The following DYNC2I1 variants were observed in gnomAD, a reference collection of about 807,000 sequenced individuals.
DYNC2I1 encodes dynein 2 intermediate chain 1.
DYNC2I1 carries 89 observed loss-of-function variants against 133.4 expected under a neutral mutation model. The observed-to-expected ratio is 0.67, with a 90% CI of 0.56 to 0.80. The LOEUF (loss-of-function observed/expected upper bound fraction) is 0.80, where lower values mean the gene tolerates loss of function less well. DYNC2I1 is among the 30% of genes least tolerant of loss of function. DYNC2I1 has a pLI of 0.00. For missense variants in DYNC2I1, 1,291 were observed against 1,314.5 expected (o/e 0.98, Z 0.28); for synonymous variants, 504 against 484.3 (o/e 1.04, Z -0.54).
chr7:158,952,635 C>T (rs1563221428), intron 4 of DYNC2I1, among the ~76,000 whole-genome samples: 1 of 151,636 alleles, frequency 6.6e-6, no homozygotes. Context: ...GGGTGAACCC[C>T]CAGCCGCATC....
the DYNC2I1 span, among the ~76,000 whole-genome samples, chr7:158,843,409 C>T: frequency 1.3e-5 from 2 of 152,120 alleles, no homozygotes; most frequent in South Asian, 4.1e-4. Flanking sequence ...TACAGACACC[C>T]ACCACAACGC....
Position 158,901,758 on chromosome 7 carries a change from C to G in DYNC2I1, c.1079C>G (p.Thr360Ser). ...EETVEIEKEE[T>S]DLENARADAY... ...CTCTAGGAAATTGAAAAGGAAGAAA[C>G]TGATTTAGAAAATGCTAGAGCTGAT... Residue 360 changes from threonine (T) to serine (S), a missense_variant, in exon 9 of 25, where the codon ACT becomes AGT. Physicochemically the swap from Thr to Ser is moderately conservative, Grantham distance 58. Coordinates refer to ENST00000407559, the MANE Select transcript of DYNC2I1 (RefSeq NM_018051.5). The G allele has an allele frequency of 2.5e-6, 4 of 1,579,080 alleles. No homozygotes were observed. The highest frequency in any genetic ancestry group is 2.6e-6 in the Non-Finnish European group (3 of 1,162,816).
chr7:158,957,935 C>G (rs1337301045), downstream of DYNC2I1, among the ~76,000 whole-genome samples: 1 of 152,198 alleles, frequency 6.6e-6, no homozygotes, highest in Non-Finnish European at 1.5e-5. Flanking sequence ...CACTGCCCCC[C>G]AGTGTCTGTG....
chr7:158,846,369 G>T, the DYNC2I1 span, among the ~76,000 whole-genome samples: 2 of 152,178 alleles, frequency 1.3e-5, no homozygotes, highest in African/African-American at 4.8e-5. Context: ...GAAGATAAAA[G>T]AAATTTTTTA....
At chr7:158,866,551 A>C (rs1327537679) in intron 1 of DYNC2I1, among the ~76,000 whole-genome samples, 1 of 151,770 alleles carries the variant, frequency 6.6e-6, no homozygotes, top group Non-Finnish European at 1.5e-5. Flanking sequence ...CTTTTTTTAT[A>C]GCAGGTCCTA....
chr7:158,920,466 C>T (rs181300805), intron 15 of DYNC2I1, among the ~76,000 whole-genome samples: 213 of 151,588 alleles, frequency 1.4e-3, no homozygotes, highest in African/African-American at 4.7e-3. Flanking sequence ...CATACTGCAG[C>T]GCCAGGCCTC....
the DYNC2I1 span, among the ~76,000 whole-genome samples, chr7:158,850,551 T>C: frequency 6.6e-6 from 1 of 152,214 alleles, no homozygotes; most frequent in Non-Finnish European, 1.5e-5. Flanking sequence ...CAATTGTAAA[T>C]GTTAAATGGG....
chr7:158,868,280 G>A (rs1241882873), intron 1 of DYNC2I1, among the ~76,000 whole-genome samples: 1 of 152,160 alleles, frequency 6.6e-6, no homozygotes, highest in African/African-American at 2.4e-5. Context: ...TGGCTGTCCG[G>A]ATGCCGCCTT....
rs1200188970 is a variant in DYNC2I1 at position 158,879,861 on chromosome 7, A to C, written c.751A>C (p.Lys251Gln). The part of the protein sequence containing the change: ...SKEKSNSFSD[K>Q]GEERHKEKRH... ...AGAGAAAAGTAATTCATTCTCTGAC[A>C]AAGGGGAAGAAAGACATAAAGAAAA... is the stretch of plus-strand genomic sequence containing the variant. The change falls in exon 5 of 25, where the codon AAA becomes CAA. Residue 251 changes from lysine (K) to glutamine (Q), a missense_variant. Physicochemically the swap from Lys to Gln is moderately conservative, Grantham distance 53. Coordinates refer to ENST00000407559, the MANE Select transcript of DYNC2I1 (RefSeq NM_018051.5). 32 of 1,613,730 alleles carry C rather than the reference A, an allele frequency of 2.0e-5. No homozygotes were observed. The highest frequency in any genetic ancestry group is 2.6e-5 in the Non-Finnish European group (31 of 1,179,840).
At chr7:158,902,669 A>T in intron 10 of DYNC2I1, 74 bp downstream of exon 10, 3 of 1,349,992 alleles carry the variant, frequency 2.2e-6, no homozygotes, top group Non-Finnish European at 3.1e-6. Flanking sequence ...AGATGCTGTC[A>T]CACACAGGCC....
At chr7:158,899,583 T>C (rs1394983875) in intron 8 of DYNC2I1, among the ~76,000 whole-genome samples, 1 of 152,220 alleles carries the variant, frequency 6.6e-6, no homozygotes, top group Non-Finnish European at 1.5e-5. Flanking sequence ...TGAGTTTATC[T>C]CCCAGAATTC....
chr7:158,898,962 G>A (rs1223857370), intron 8 of DYNC2I1, among the ~76,000 whole-genome samples: 4 of 150,772 alleles, frequency 2.7e-5, no homozygotes, highest in African/African-American at 9.8e-5. Flanking sequence ...CCCATTCCTT[G>A]TATCCTTGCT....
rs773515591 is a variant in DYNC2I1 at position 158,926,345 on chromosome 7, G to T, written c.2371+45G>T. On this transcript the variant is annotated intron_variant, in intron 18 of 24. Transcript: ENST00000407559. ...CTTAAAATCCTTCATCAATGGTTGT[G>T]AAATATGGTTTCCTTATTTAAAGCC... The T allele has an allele frequency of 1.9e-6, 3 of 1,601,204 alleles. No individual in the cohort carries two copies. In the East Asian group the frequency reaches 6.7e-5, roughly 36 times the overall value.
chr7:158,852,408 CCG>C (rs1227206029), upstream of DYNC2I1, among the ~76,000 whole-genome samples: 1 of 151,760 alleles, frequency 6.6e-6, no homozygotes, highest in Non-Finnish European at 1.5e-5. Flanking sequence ...GCATGAGCCA[CCG>C]CGCCCGGCCT....
chr7:158,853,523 A>G (rs1841099917), upstream of DYNC2I1, among the ~76,000 whole-genome samples: 1 of 152,136 alleles, frequency 6.6e-6, no homozygotes, highest in African/African-American at 2.4e-5. Flanking sequence ...CTTAGTTTTT[A>G]TGAGCTGGAC....
upstream of DYNC2I1, among the ~76,000 whole-genome samples, chr7:158,855,808 C>T (rs925601765): frequency 2.0e-5 from 3 of 152,182 alleles, no homozygotes; most frequent in Non-Finnish European, 4.4e-5. Flanking sequence ...TTGATTTTCC[C>T]TTACGTGTTG....
At chr7:158,841,192 TATATATATATATATATATATATA>T in the DYNC2I1 span, among the ~76,000 whole-genome samples, 10 of 95,508 alleles carry the variant, frequency 1.0e-4, no homozygotes, top group South Asian at 3.6e-4. Flanking sequence ...TATATATATA[TATATATATATATATATATATATA>T]TATATATTTT....
At chr7:158,865,063 G>A (rs189765106) in intron 1 of DYNC2I1, among the ~76,000 whole-genome samples, 243 of 152,320 alleles carry the variant, frequency 1.6e-3, no homozygotes, top group Non-Finnish European at 7.3e-4. Context: ...GAGCGCGGAA[G>A]CCCTCACACC....
At chr7:158,875,207 TC>T (rs1322474100) in intron 3 of DYNC2I1, among the ~76,000 whole-genome samples, 1 of 151,524 alleles carries the variant, frequency 6.6e-6, no homozygotes, top group African/African-American at 2.4e-5. Flanking sequence ...GCAATTCTCT[TC>T]CTTAGCCTCC....
Sources: allele counts gnomAD v4.1 joint callset (sites outside exome capture counted in the v4.1 genomes callset), GRCh38; gene constraint gnomAD v4.1.1; transcripts MANE v1.5; gene names NCBI Gene and HGNC (gene_info 2026-07-23, HGNC 2026-07-21).